HNF4G: variants seen among roughly 807,000 people sequenced by gnomAD.
HNF4G encodes the protein hepatocyte nuclear factor 4-gamma.
In HNF4G, 21 loss-of-function variants were observed where a neutral mutation model predicts 50.9. The ratio of observed to expected loss-of-function variants is 0.41; its 90% CI spans 0.29 to 0.59. The LOEUF (loss-of-function observed/expected upper bound fraction) is 0.59, where lower values mean the gene tolerates loss of function less well. HNF4G is among the 20% of genes least tolerant of loss of function. HNF4G has a pLI of 0.26. For synonymous variants in HNF4G, 198 were observed against 185.6 expected (o/e 1.07, Z -0.54); for missense variants, 527 against 559.4 (o/e 0.94, Z 0.58).
At chr8:75,482,106 C>T (rs570178159) in intron 1 of HNF4G, among the ~76,000 whole-genome samples, 49 of 152,246 alleles carry the variant, frequency 3.2e-4, no homozygotes, top group Middle Eastern at 3.4e-3. Flanking sequence ...GTGGATCATC[C>T]TCAAATTTAA....
At chr8:75,552,417 A>C (rs932293901) in intron 4 of HNF4G, among the ~76,000 whole-genome samples, 4 of 152,170 alleles carry the variant, frequency 2.6e-5, no homozygotes, top group African/African-American at 4.8e-5. Flanking sequence ...GAAAAGCTTT[A>C]TTACTTATAT....
rs139054253 is a variant in HNF4G, at chr8:75,554,539, G to A, written c.645+1342G>A. ...TAATTCTCTCAGGAGCTCGGTGACAGGTGTTATTATCTCCATTTTACAGTT... is the reference window on the plus strand; with the variant it reads ...TAATTCTCTCAGGAGCTCGGTGACAAGTGTTATTATCTCCATTTTACAGTT... On this transcript the variant is annotated intron_variant, in intron 5 of 9. Transcript: ENST00000396423. Among the ~76,000 whole-genome samples the A allele has an allele frequency of 8.6e-3, 1,303 of 152,104 alleles. 11 individuals carry two copies. The highest frequency in any genetic ancestry group is 0.028 in the African/African-American group (1,175 of 41,498).
chr8:75,540,147 C>A, intron 1 of HNF4G, 67 bp downstream of exon 1: 2 of 917,612 alleles, frequency 2.2e-6, no homozygotes, highest in Non-Finnish European at 3.5e-6. Flanking sequence ...GAAGACTGAG[C>A]TTCCAAAGGT....
Position 75,540,583 on chromosome 8 carries a change from C to T in HNF4G, c.118+503C>T, listed in dbSNP as rs563537413. Among the ~76,000 whole-genome samples the T allele has an allele frequency of 3.0e-4, 46 of 152,046 alleles. No individual in the cohort carries two copies. The South Asian group carries it at 5.4e-3, about 18-fold the overall frequency. ...ATTACTATCAGGTTTTTGCATTGAACGCAAATATGAAAGGGAATAAGGCTT... is the reference window on the plus strand; with the variant it reads ...ATTACTATCAGGTTTTTGCATTGAATGCAAATATGAAAGGGAATAAGGCTT... On this transcript the variant is annotated intron_variant, in intron 1 of 9. Coordinates refer to ENST00000396423, the MANE Select transcript of HNF4G (RefSeq NM_004133.5).
At chr8:75,485,569 T>G (rs1444843260) in intron 1 of HNF4G, among the ~76,000 whole-genome samples, 3 of 152,186 alleles carry the variant, frequency 2.0e-5, no homozygotes, top group African/African-American at 7.2e-5. Flanking sequence ...CTTTTATGCT[T>G]TTTGACATTT....
At chr8:75,514,554 T>C (rs991843562) in intron 2 of HNF4G, among the ~76,000 whole-genome samples, 3 of 151,938 alleles carry the variant, frequency 2.0e-5, no homozygotes, top group Non-Finnish European at 4.4e-5. Flanking sequence ...GGTTTCACCA[T>C]GTTGGCCAGG....
At chr8:75,558,434 G>C in intron 6 of HNF4G, 84 bp from the exon 7 acceptor site, 3 of 1,273,534 alleles carry the variant, frequency 2.4e-6, no homozygotes, top group East Asian at 4.8e-5. Flanking sequence ...TTAAACACCG[G>C]TTTGTTAAAT....
At chr8:75,505,353 C>T (rs1239631647) in intron 2 of HNF4G, among the ~76,000 whole-genome samples, 1 of 152,062 alleles carries the variant, frequency 6.6e-6, no homozygotes, top group African/African-American at 2.4e-5. Context: ...TTGTACTATC[C>T]ATTTCTTGCC....
chr8:75,425,982 T>A (rs1192266646), intron 1 of HNF4G, among the ~76,000 whole-genome samples: 4 of 152,216 alleles, frequency 2.6e-5, no homozygotes, highest in Non-Finnish European at 5.9e-5. Context: ...AAAATCTATT[T>A]AAAATATAAA....
At chr8:75,535,011 T>C (rs796916661), upstream of HNF4G, among the ~76,000 whole-genome samples, 13 of 151,902 alleles carry the variant, frequency 8.6e-5, no homozygotes, top group African/African-American at 1.7e-4. Context: ...TTAAATGTGT[T>C]AATGAGTTAA....
chr8:75,510,303 A>G (rs1360911264), intron 2 of HNF4G, among the ~76,000 whole-genome samples: 1 of 152,240 alleles, frequency 6.6e-6, no homozygotes, highest in Admixed American at 6.5e-5. Context: ...AAAAAGTTAA[A>G]AAACTTAAAG....
chr8:75,464,117 C>G (rs1017294262), intron 1 of HNF4G, among the ~76,000 whole-genome samples: 1 of 152,020 alleles, frequency 6.6e-6, no homozygotes, highest in Admixed American at 6.6e-5. Context: ...CATTGCCAAA[C>G]CACAAATATT....
At chr8:75,501,649 C>G (rs182534494) in intron 2 of HNF4G, among the ~76,000 whole-genome samples, 1 of 152,206 alleles carries the variant, frequency 6.6e-6, no homozygotes, top group African/African-American at 2.4e-5. Context: ...TTACCAACTT[C>G]ACATATTATG....
At chr8:75,489,309 C>T (rs1255230094) in intron 1 of HNF4G, among the ~76,000 whole-genome samples, 1 of 152,140 alleles carries the variant, frequency 6.6e-6, no homozygotes, top group Non-Finnish European at 1.5e-5. Flanking sequence ...GGCAAATATT[C>T]CTACACATGT....
exon 1 of HNF4G, chr8:75,408,091 G>A (rs540010617): frequency 1.3e-5 from 2 of 152,390 alleles, no homozygotes; most frequent in East Asian, 1.9e-4. Context: ...AGGACCCCTA[G>A]GCCAGGCCGT....
chr8:75,418,411 T>G (rs986121407), intron 1 of HNF4G, among the ~76,000 whole-genome samples: 19 of 152,212 alleles, frequency 1.2e-4, no homozygotes, highest in African/African-American at 4.6e-4. Context: ...ATTAGAAGCT[T>G]GGATGTTTTA....
chr8:75,556,493 G>A (rs1039914878), intron 6 of HNF4G, among the ~76,000 whole-genome samples: 22 of 152,008 alleles, frequency 1.4e-4, no homozygotes. Flanking sequence ...GATAGCCCAC[G>A]ATATGCTACA....
At chr8:75,431,568 GA>G (rs1420541666) in intron 1 of HNF4G, among the ~76,000 whole-genome samples, 1 of 152,046 alleles carries the variant, frequency 6.6e-6, no homozygotes, top group Non-Finnish European at 1.5e-5. Context: ...TTATCAGACA[GA>G]AAACAAAACA....
chr8:75,502,255 GTATA>G (rs1475174477), intron 2 of HNF4G, among the ~76,000 whole-genome samples: 6 of 152,130 alleles, frequency 3.9e-5, no homozygotes, highest in Admixed American at 1.3e-4. Context: ...ATAAAATAAA[GTATA>G]TATAAAAGTT....
Sources: allele counts gnomAD v4.1 joint callset (sites outside exome capture counted in the v4.1 genomes callset), GRCh38; gene constraint gnomAD v4.1.1; transcripts MANE v1.5; gene names NCBI Gene and HGNC (gene_info 2026-07-23, HGNC 2026-07-21).